The following HIPK1 variants were observed in gnomAD, a reference collection of about 807,000 sequenced individuals.
The protein encoded by HIPK1 is homeodomain interacting protein kinase 1.
HIPK1 carries 28 observed loss-of-function variants against 117.1 expected under a neutral mutation model. The observed-to-expected ratio is 0.24, with a 90% CI of 0.18 to 0.33. The LOEUF (loss-of-function observed/expected upper bound fraction) is 0.33. HIPK1 is among the 10% of genes least tolerant of loss of function. The probability of loss-of-function intolerance (pLI) is 1.00; values close to 1 mark genes in which losing one functional copy is unlikely to be tolerated. For synonymous variants in HIPK1, 605 were observed against 562.5 expected (o/e 1.08, Z -1.07); for missense variants, 1,122 against 1,475.1 (o/e 0.76, Z 3.92).
chr1:113,973,450 T>C lies in HIPK1; in HGVS notation c.3571T>C (p.Ser1191Pro). The change falls in exon 16 of 16, where the codon TCA (serine) becomes CCA (proline). Residue 1191 changes from serine to proline, a missense_variant. By Grantham distance (74) the Ser-to-Pro change is moderately conservative (BLOSUM62 -1). This residue lies in a region of HIPK1 where 731 missense variants were observed against 860.4 expected (regional missense o/e 0.85). Coordinates refer to ENST00000426820, the MANE Select transcript of HIPK1 (RefSeq NM_198268.3). ...ATCCTACATTGGGTCTTCCCGAGGC[T>C]CAACAATTTACACTGGATACCCGCT... is the stretch of plus-strand genomic sequence containing the variant. ...TQSYIGSSRG[S>P]TIYTGYPLSP... The C allele has an allele frequency of 2.5e-6, 4 of 1,613,642 alleles. No individual in the cohort carries two copies. The highest frequency in any genetic ancestry group is 3.4e-6 in the Non-Finnish European group (4 of 1,179,722).
chr1:113,947,985 T>G (rs1379559426), intron 2 of HIPK1, among the ~76,000 whole-genome samples: 1 of 152,202 alleles, frequency 6.6e-6, no homozygotes, highest in Non-Finnish European at 1.5e-5. Context: ...ATTACACAAA[T>G]GAGGTAGAAC....
At chr1:113,945,508 T>C (rs1255447889) in intron 2 of HIPK1, among the ~76,000 whole-genome samples, 2 of 152,238 alleles carry the variant, frequency 1.3e-5, no homozygotes, top group Non-Finnish European at 2.9e-5. Context: ...GATTTTTGTC[T>C]ATGGTCCAAG....
intron 13 of HIPK1, 32 bp from the exon 14 acceptor site, chr1:113,969,924 A>G (rs1301630105): frequency 1.9e-6 from 3 of 1,611,908 alleles, no homozygotes; most frequent in South Asian, 2.2e-5. Context: ...AAAAAGAACA[A>G]TTCAATTTTC....
intron 1 of HIPK1, among the ~76,000 whole-genome samples, chr1:113,939,060 C>T (rs775028816): frequency 6.6e-6 from 1 of 151,888 alleles, no homozygotes; most frequent in East Asian, 1.9e-4. Context: ...TAGACACTAT[C>T]ATTTTACATG....
rs751524402 is a variant in HIPK1 at position 113,963,380 on chromosome 1, G to T, written c.2104-7G>T. ...TGTTTCACTCACCTGCCTAATCTAC[G>T]TTTCAGGGAAGCTGTACACCACTAA... On this transcript the variant is annotated splice_polypyrimidine_tract_variant and splice_region_variant and intron_variant, in intron 9 of 15. Transcript: ENST00000426820. The T allele has an allele frequency of 4.3e-6, 7 of 1,612,610 alleles. No individual in the cohort carries two copies. Among genetic ancestry groups the T allele is most frequent in the Non-Finnish European group, 5.9e-6 (7 of 1,179,572 alleles).
intron 10 of HIPK1, 34 bp downstream of exon 10, chr1:113,963,555 A>T: frequency 6.4e-7 from 1 of 1,558,922 alleles, no homozygotes; most frequent in Non-Finnish European, 8.7e-7. Flanking sequence ...TTACTAACGG[A>T]GTTTCTTTGG....
chr1:113,963,101 C>G lies in HIPK1; in HGVS notation c.2104-286C>G, dbSNP rs114967112. Among the ~76,000 whole-genome samples the G allele has an allele frequency of 4.8e-3, 732 of 152,258 alleles. 4 individuals are homozygous for G. Among genetic ancestry groups the G allele is most frequent in the African/African-American group, 0.017 (699 of 41,552 alleles). ...AAATCCAAAAACTCTATTTTGTGAACAGGAGGAAGAATTCTTAATAAATGT... is the reference window on the plus strand; with the variant it reads ...AAATCCAAAAACTCTATTTTGTGAAGAGGAGGAAGAATTCTTAATAAATGT... On this transcript the variant is annotated intron_variant, in intron 9 of 15. Transcript: ENST00000426820.
At chr1:113,958,420 G>A in intron 8 of HIPK1, 129 bp downstream of exon 8, 1 of 627,430 alleles carries the variant, frequency 1.6e-6, no homozygotes, top group Middle Eastern at 2.7e-4. Context: ...ACTAAAATTG[G>A]GTAATATCAC....
At position 113,973,342 on chromosome 1, in the gene HIPK1, C is replaced by T. The variant is rs1298726187; in HGVS notation, c.3463C>T (p.Gln1155Ter). The change falls in exon 16 of 16, where the codon CAG becomes TAG. Residue 1155 changes from glutamine (Q) to a stop codon, truncating the protein, a stop_gained. Transcript: ENST00000426820. LOFTEE classifies it high-confidence loss of function. ...YTTHPSTLVHQVPVSVGPSLL... is the reference protein window; with the variant it reads ...YTTHPSTLVH Reference sequence around the variant, plus strand: ...CACTCACCCTAGCACTTTGGTGCACCAGGTCCCTGTCAGTGTTGGGCCCAG... The same window carrying T: ...CACTCACCCTAGCACTTTGGTGCACTAGGTCCCTGTCAGTGTTGGGCCCAG... 1 of 1,614,178 alleles carries T rather than the reference C, an allele frequency of 6.2e-7. No homozygotes were observed.
At chr1:113,933,571 C>T (rs1008698401) in intron 1 of HIPK1, among the ~76,000 whole-genome samples, 6 of 151,510 alleles carry the variant, frequency 4.0e-5, no homozygotes, top group Non-Finnish European at 5.9e-5. Flanking sequence ...GAGAGGGGAG[C>T]TTAGAAAAGG....
rs548037515 is a variant in HIPK1, at chr1:113,977,694, GTTTGTC to G, written c.*4187_*4192del. 9.2e-5 allele frequency: 14 copies of G among 152,772 alleles called. No individual in the cohort carries two copies. Among genetic ancestry groups the G allele is most frequent in the Admixed American group, 1.3e-4 (2 of 15,298 alleles). 9.5% of individuals were successfully genotyped at this position (152,772 alleles called of 1,614,324 possible). ...AACATAGTTTATCTTTGGATTCAATGTTTGTCTTTGGTTTTACAAAGTAGCTTGTAT... is the reference window on the plus strand; with the variant it reads ...AACATAGTTTATCTTTGGATTCAATGTTTGGTTTTACAAAGTAGCTTGTAT... On this transcript the variant is annotated 3_prime_UTR_variant, in exon 16 of 16. Coordinates refer to ENST00000426820, the MANE Select transcript of HIPK1 (RefSeq NM_198268.3).
At chr1:113,950,099 T>A (rs1178301886) in intron 2 of HIPK1, among the ~76,000 whole-genome samples, 1 of 152,184 alleles carries the variant, frequency 6.6e-6, no homozygotes, top group East Asian at 1.9e-4. Context: ...CCACTATTTA[T>A]GTATAAATAC....
intron 12 of HIPK1, among the ~76,000 whole-genome samples, 180 bp downstream of exon 12, chr1:113,968,128 G>T (rs567306867): frequency 6.6e-6 from 1 of 152,266 alleles, no homozygotes; most frequent in Non-Finnish European, 1.5e-5. Context: ...GTTTTATGAT[G>T]GTCCTTTGTC....
rs531013052 is a variant in HIPK1 at position 113,931,356 on chromosome 1, T to TA, written c.-3+1825dup. Among the ~76,000 whole-genome samples the TA allele has an allele frequency of 6.6e-5, 10 of 152,342 alleles. No individual in the cohort carries two copies. The South Asian group carries it at 2.1e-3, about 32-fold the overall frequency. ...TCAGGGTTCTGTGTTATAATACTGT[T>TA]ATGATGAAGGGTGGCATTGACTTTA... On this transcript the variant is annotated intron_variant, in intron 1 of 15. Transcript: ENST00000426820.
In HIPK1 at chr1:113,930,066, G is replaced by A. The variant is rs978269060; in HGVS notation, c.-3+534G>A. ...CCTGCCGGGGGCGCCTTCCTCAAAG[G>A]GCCCCTGCCTGGGACCGGGCGCCGC... On this transcript the variant is annotated intron_variant, in intron 1 of 15. Coordinates refer to ENST00000426820, the MANE Select transcript of HIPK1 (RefSeq NM_198268.3). 13 of 963,934 alleles carry A rather than the reference G, an allele frequency of 1.3e-5. No homozygotes were observed. The African/African-American group carries it at 1.8e-4, about 13-fold the overall frequency. The allele number at this position is 963,934 out of a possible 1,614,324, so 59.7% of individuals were successfully genotyped here.
At chr1:113,935,204 A>T (rs1412296140) in intron 1 of HIPK1, among the ~76,000 whole-genome samples, 1 of 151,876 alleles carries the variant, frequency 6.6e-6, no homozygotes, top group Non-Finnish European at 1.5e-5. Flanking sequence ...AGTAGGCCCC[A>T]GTGTCTGTGG....
chr1:113,955,277 T>A (rs2101329055), intron 4 of HIPK1, among the ~76,000 whole-genome samples: 1 of 152,388 alleles, frequency 6.6e-6, no homozygotes, highest in South Asian at 2.1e-4. Flanking sequence ...ATCGATTTAT[T>A]TGAAAGTAGC....
rs1417407833 is a variant in HIPK1 at position 113,975,926 on chromosome 1, C to G, written c.*2414C>G. On this transcript the variant is annotated 3_prime_UTR_variant, in exon 16 of 16. Transcript: ENST00000426820. ...AAGGATTTGGGGAAAGAAGATTAAT[C>G]CTAAAATACAGGTGTGTTCCATCTG... The G allele has an allele frequency of 6.6e-6, 1 of 152,642 alleles. No individual in the cohort carries two copies. Among genetic ancestry groups the G allele is most frequent in the Non-Finnish European group, 1.5e-5 (1 of 68,020 alleles). 9.5% of individuals were successfully genotyped at this position (152,642 alleles called of 1,614,324 possible).
At chr1:113,951,883 C>A (rs1054219944) in intron 2 of HIPK1, among the ~76,000 whole-genome samples, 33 of 134,248 alleles carry the variant, frequency 2.5e-4, no homozygotes, top group Non-Finnish European at 3.9e-4. Flanking sequence ...GAAGGCATTT[C>A]TTTTTCTTTT....
Sources: allele counts gnomAD v4.1 joint callset (sites outside exome capture counted in the v4.1 genomes callset), GRCh38; gene constraint gnomAD v4.1.1; regional missense constraint gnomAD v4.1.1; transcripts MANE v1.5; gene names NCBI Gene and HGNC (gene_info 2026-07-23, HGNC 2026-07-21).